The following NAP1L1 variants were observed in gnomAD, a reference collection of about 807,000 sequenced individuals.
NAP1L1 encodes nucleosome assembly protein 1-like 1.
In NAP1L1, 9 loss-of-function variants were observed where a neutral mutation model predicts 58.9. The ratio of observed to expected loss-of-function variants is 0.15; its 90% CI spans 0.09 to 0.27. NAP1L1 has a LOEUF of 0.27. Ranked by LOEUF, NAP1L1 falls within the 10% of genes least tolerant of loss-of-function variation. The pLI, the probability that NAP1L1 is intolerant of heterozygous loss-of-function variation, is 1.00. For synonymous variants in NAP1L1, 130 were observed against 138.3 expected, an observed-to-expected ratio of 0.94 and a Z score of 0.42; for missense variants, 302 against 458.8, an observed-to-expected ratio of 0.66 and a Z score of 3.12.
intron 6 of NAP1L1, chr12:76,057,453 G>GA (rs1254617513): frequency 1.6e-6 from 1 of 609,640 alleles, no homozygotes; most frequent in Non-Finnish European, 3.0e-6. Flanking sequence ...CCTGGCCGGG[G>GA]AAACGAGTTG....
intron 4 of NAP1L1, among the ~76,000 whole-genome samples, chr12:76,066,004 G>C (rs1282379387): frequency 1.3e-5 from 2 of 150,556 alleles, no homozygotes; most frequent in Admixed American, 1.3e-4. Flanking sequence ...AATGAAGGTA[G>C]GTGGTACACC....
chr12:76,084,348 C>T (rs1018079252), intron 1 of NAP1L1, among the ~76,000 whole-genome samples: 7 of 152,150 alleles, frequency 4.6e-5, no homozygotes, highest in Non-Finnish European at 1.0e-4. Context: ...CCTCAGCCGT[C>T]CCCGATAAAA....
rs1481186024 is a variant in NAP1L1 at position 76,042,079 on chromosome 12, A to T, written c.*6350T>A. ...ATTTTTTTTTTGTTTTTTACACATAAAATCTTCAAAACGAGGCATATGTTT... is the reference window on the plus strand; with the variant it reads ...ATTTTTTTTTTGTTTTTTACACATATAATCTTCAAAACGAGGCATATGTTT... On this transcript the variant is annotated 3_prime_UTR_variant, in exon 15 of 15. Transcript: ENST00000618691. The T allele has an allele frequency of 6.6e-6, 1 of 152,164 alleles. No homozygotes were observed. Among genetic ancestry groups the T allele is most frequent in the African/African-American group, 2.4e-5 (1 of 41,428 alleles). The allele number at this position is 152,164 out of a possible 1,614,324, so 9.4% of individuals were successfully genotyped here. A position where few individuals can be genotyped will look rare whatever the true frequency, so the allele number is the denominator to read the frequency against.
intron 4 of NAP1L1, among the ~76,000 whole-genome samples, chr12:76,066,499 A>C (rs1436173046): frequency 6.6e-6 from 1 of 152,128 alleles, no homozygotes; most frequent in Non-Finnish European, 1.5e-5. Context: ...TCCCAACAAG[A>C]AAGTGGAAAA....
chr12:76,073,401 TA>T (rs1450781107), intron 2 of NAP1L1, among the ~76,000 whole-genome samples: 5 of 152,168 alleles, frequency 3.3e-5, no homozygotes, highest in African/African-American at 1.2e-4. Flanking sequence ...CCTGTTTCTA[TA>T]AAACATCCAT....
rs376256972 is a variant in NAP1L1 at position 76,059,783 on chromosome 12, A to C, written c.429+15T>G. ...TATCATCTTAAAAACATACCAAAAT[A>C]AAGTTGGTACTAACCGAAATCTCAT... On this transcript the variant is annotated intron_variant, in intron 6 of 14. Coordinates refer to ENST00000618691, the MANE Select transcript of NAP1L1 (RefSeq NM_004537.7). 6.5e-7 allele frequency: 1 copy of C among 1,546,202 alleles called. No individual in the cohort carries two copies. The highest frequency in any genetic ancestry group is 1.4e-5 in the African/African-American group (1 of 72,696).
intron 13 of NAP1L1, 109 bp downstream of exon 13, chr12:76,049,645 GTT>G: frequency 6.5e-7 from 1 of 1,541,916 alleles, no homozygotes; most frequent in South Asian, 1.1e-5. Context: ...TTTCCAAAAT[GTT>G]TTTATCCCAA....
Position 76,052,612 on chromosome 12 carries a change from T to C in NAP1L1, c.936+479A>G, listed in dbSNP as rs191284847. ...ACATACCTGCCCTACCTTGTGTGTATAGACTTTCTTTAAGGTTGTTCCTCA... is the reference window on the plus strand; with the variant it reads ...ACATACCTGCCCTACCTTGTGTGTACAGACTTTCTTTAAGGTTGTTCCTCA... On this transcript the variant is annotated intron_variant, in intron 11 of 14. Transcript: ENST00000618691. Among the ~76,000 whole-genome samples the C allele has an allele frequency of 5.3e-5, 8 of 152,354 alleles. No individual in the cohort carries two copies. In the East Asian group the frequency reaches 7.7e-4, roughly 15 times the overall value.
Position 76,060,197 on chromosome 12 carries a change from C to A in NAP1L1, c.289G>T (p.Glu97Ter). 1 of 1,613,286 alleles carries A rather than the reference C, an allele frequency of 6.2e-7. No individual in the cohort carries two copies. The highest frequency in any genetic ancestry group is 8.5e-7 in the Non-Finnish European group (1 of 1,179,324). Residue 97 changes from glutamate to a stop codon, truncating the protein, a stop_gained, in exon 5 of 15, where the codon GAG (glutamate) becomes TAG (stop). Coordinates refer to ENST00000618691, the MANE Select transcript of NAP1L1 (RefSeq NM_004537.7). LOFTEE classifies it high-confidence loss of function. The part of the protein sequence containing the change: ...KCAQIEAKFY[E>*]EVHDLERKYA... ...TTCCTTTCAAGATCGTGAACTTCCT[C>A]ATAGAATTTGGCTTCTATCTGTGCA...
At chr12:76,064,575 A>C (rs1449934914) in intron 4 of NAP1L1, among the ~76,000 whole-genome samples, 2 of 152,194 alleles carry the variant, frequency 1.3e-5, no homozygotes, top group Non-Finnish European at 2.9e-5. Flanking sequence ...GTAACAAAAG[A>C]CAGTATGGAA....
chr12:76,074,837 G>A (rs1797252126), intron 1 of NAP1L1, among the ~76,000 whole-genome samples: 2 of 152,082 alleles, frequency 1.3e-5, no homozygotes, highest in Admixed American at 6.6e-5. Context: ...TGTTAGGTAA[G>A]CCTTCCCTAT....
intron 11 of NAP1L1, among the ~76,000 whole-genome samples, chr12:76,052,272 A>C (rs1221953739): frequency 1.3e-5 from 2 of 152,128 alleles, no homozygotes; most frequent in Non-Finnish European, 2.9e-5. Flanking sequence ...CAAACAAAAA[A>C]AAACCCCAAA....
At chr12:76,065,794 T>C (rs1348368077) in intron 4 of NAP1L1, among the ~76,000 whole-genome samples, 1 of 152,032 alleles carries the variant, frequency 6.6e-6, no homozygotes, top group African/African-American at 2.4e-5. Flanking sequence ...TTTTTTTGCT[T>C]GTTGACAACC....
At chr12:76,063,881 T>TAA (rs10693123) in intron 4 of NAP1L1, among the ~76,000 whole-genome samples, 43,562 of 135,090 alleles carry the variant, frequency 0.32, 7,658 homozygotes, top group South Asian at 0.63. Flanking sequence ...GTTAAAAGTT[T>TAA]AAAAAAAAAA....
chr12:76,084,351 C>T (rs1283273423), intron 1 of NAP1L1, among the ~76,000 whole-genome samples: 4 of 152,134 alleles, frequency 2.6e-5, no homozygotes, highest in African/African-American at 4.8e-5. Flanking sequence ...CAGCCGTCCC[C>T]GATAAAAGCG....
At chr12:76,082,473 A>AT (rs1950445340) in intron 1 of NAP1L1, among the ~76,000 whole-genome samples, 1 of 152,254 alleles carries the variant, frequency 6.6e-6, no homozygotes, top group Non-Finnish European at 1.5e-5. Flanking sequence ...TTTGTAGCAG[A>AT]TAAAATTTAG....
At chr12:76,076,372 CA>C (rs1461572221) in intron 1 of NAP1L1, among the ~76,000 whole-genome samples, 2 of 151,954 alleles carry the variant, frequency 1.3e-5, no homozygotes, top group African/African-American at 2.4e-5. Flanking sequence ...CTGATCTTGA[CA>C]ATCATAGCGT....
Position 76,049,235 on chromosome 12 carries a change from C to T in NAP1L1, c.1105G>A (p.Gly369Arg), listed in dbSNP as rs896846690. ...EEADEEGEEE[G>R]DEENDPDYDP... is the part of the protein sequence containing the mutation. ...TAGTCTGGATCATTTTCCTCATCTC[C>T]TTCTTCTTCCCCTTCCTATATTAAA... is the stretch of plus-strand genomic sequence containing the variant. The change falls in exon 14 of 15, where the codon GGA becomes AGA. Residue 369 changes from glycine (G) to arginine (R), a missense_variant. Transcript: ENST00000618691. The T allele has an allele frequency of 1.4e-5, 22 of 1,613,382 alleles. No individual in the cohort carries two copies. The African/African-American group carries it at 2.1e-4, about 16-fold the overall frequency.
chr12:76,038,341 T>C lies in NAP1L1; in HGVS notation c.*10088A>G, dbSNP rs528360720. On this transcript the variant is annotated 3_prime_UTR_variant, in exon 15 of 15. Transcript: ENST00000618691. ...TGTAACTGACAGTCACTTGGGCAAA[T>C]ACCTCCATTTAAGGAACTAAATTCC... 2.0e-5 allele frequency: 3 copies of C among 152,186 alleles called. No homozygotes were observed. The highest frequency in any genetic ancestry group is 4.4e-5 in the Non-Finnish European group (3 of 68,022). 9.4% of individuals were successfully genotyped at this position (152,186 alleles called of 1,614,324 possible).
Sources: gnomAD v4.1 joint callset for allele counts (sites outside exome capture counted in the v4.1 genomes callset) on GRCh38, gnomAD v4.1.1 for gene constraint, MANE v1.5 for transcripts, NCBI Gene and HGNC (gene_info 2026-07-23, HGNC 2026-07-21) for gene names.